The following C4orf50 variants were observed in gnomAD, a reference collection of about 807,000 sequenced individuals.
C4orf50 encodes uncharacterized protein C4orf50.
A neutral mutation model predicts 77.2 loss-of-function variants in C4orf50; 80 were observed. The ratio of observed to expected loss-of-function variants is 1.04; its 90% CI spans 0.87 to 1.25. C4orf50 has a LOEUF of 1.25. C4orf50 is among the 50% of genes most tolerant of loss of function. The pLI is 0.00. For missense variants in C4orf50, 1,257 were observed against 1,152.9 expected (o/e 1.09, Z -1.31); for synonymous variants, 532 against 465.3 (o/e 1.14, Z -1.84).
intron 30 of C4orf50, among the ~76,000 whole-genome samples, chr4:5,975,221 G>A (rs1382567578): frequency 6.9e-6 from 1 of 145,404 alleles, no homozygotes; most frequent in African/African-American, 2.5e-5. Context: ...ACAAAAGAGA[G>A]AGTGATAGAA....
intron 25 of C4orf50, among the ~76,000 whole-genome samples, chr4:6,001,423 C>T (rs545239585): frequency 6.6e-5 from 10 of 152,320 alleles, no homozygotes; most frequent in South Asian, 2.1e-4. Flanking sequence ...TGTTATCCAG[C>T]GTTTGTTCAG....
At chr4:5,914,882 A>C (rs940095405) in intron 7 of C4orf50, among the ~76,000 whole-genome samples, 1 of 152,244 alleles carries the variant, frequency 6.6e-6, no homozygotes, top group Non-Finnish European at 1.5e-5. Flanking sequence ...ATCAAAAATC[A>C]GATGAAGGTG....
Position 6,009,296 on chromosome 4 carries a change from A to G in C4orf50, c.427-764T>C, listed in dbSNP as rs1560602625. On this transcript the variant is annotated intron_variant, in intron 24 of 33. Coordinates refer to ENST00000531445, the Ensembl canonical transcript of C4orf50. This position sits in a 1 kb window ranked among gnomAD's most constrained non-coding sequence, Gnocchi z 5.6. ...ATTAGAGCCGTTGCCTACTTTTCAG[A>G]ATTAATTCAAGCAAAGGGATAGAAC... Among the ~76,000 whole-genome samples, 1 of 152,210 alleles carries G rather than the reference A, an allele frequency of 6.6e-6. No homozygotes were observed. Among genetic ancestry groups the G allele is most frequent in the Non-Finnish European group, 1.5e-5 (1 of 68,038 alleles).
intron 26 of C4orf50, among the ~76,000 whole-genome samples, chr4:5,994,016 G>T (rs541830121): frequency 6.6e-6 from 1 of 152,204 alleles, no homozygotes; most frequent in South Asian, 2.1e-4. Context: ...GCCATCATAC[G>T]GACTTCTGTG....
At chr4:5,934,702 C>T (rs1231337929) in intron 7 of C4orf50, among the ~76,000 whole-genome samples, 6 of 152,186 alleles carry the variant, frequency 3.9e-5, no homozygotes, top group Non-Finnish European at 5.9e-5. Context: ...TGTCCTGGCC[C>T]GTGAGCTCCT....
Position 5,901,502 on chromosome 4 carries a change from G to C in C4orf50, c.*2475-3314C>G, listed in dbSNP as rs561536831. 1 of 152,174 alleles carries C rather than the reference G, an allele frequency of 6.6e-6. No homozygotes were observed. The highest frequency in any genetic ancestry group is 2.1e-4 in the South Asian group (1 of 4,828). 9.4% of individuals were successfully genotyped at this position (152,174 alleles called of 1,614,324 possible). On this transcript the variant is annotated intron_variant, in intron 7 of 7. Coordinates refer to the C4orf50 transcript ENST00000324058. The surrounding 1 kb of genome is among the most constrained non-coding windows in gnomAD (Gnocchi z 4.4). ...ACCCTAACCTGTTTCTCCTACATCG[G>C]GTGGTCTCTGTCATCTCTCTAGAAG... is the stretch of plus-strand genomic sequence containing the variant.
chr4:5,958,622 C>T lies in C4orf50; in HGVS notation c.*753G>A, dbSNP rs1291494597. ...ATCTCTCCCATTGTCCTGTGAGGTC[C>T]CCGGCGCCAGGATCAACATTGACTT... On this transcript the variant is annotated 3_prime_UTR_variant, in exon 34 of 34. Transcript: ENST00000531445. This position sits in a 1 kb window ranked among gnomAD's most constrained non-coding sequence, Gnocchi z 5.4. 6.6e-6 allele frequency: 1 copy of T among 152,152 alleles called. No homozygotes were observed. The highest frequency in any genetic ancestry group is 1.5e-5 in the Non-Finnish European group (1 of 68,070). The allele number at this position is 152,152 out of a possible 1,614,324, so 9.4% of individuals were successfully genotyped here.
chr4:5,923,330 A>T (rs1717365184), intron 7 of C4orf50: 1 of 154,328 alleles, frequency 6.5e-6, no homozygotes, highest in Non-Finnish European at 1.5e-5. Flanking sequence ...AGAAACAGTG[A>T]TGGCAATGAG....
exon 30 of C4orf50, chr4:5,975,915 G>T: frequency 1.2e-6 from 2 of 1,613,504 alleles, no homozygotes; most frequent in Non-Finnish European, 8.5e-7. Context: ...GGGAGTCACT[G>T]CCAACTTTGC....
At chr4:5,972,580 G>A (rs1039305715) in intron 31 of C4orf50, among the ~76,000 whole-genome samples, 10 of 152,202 alleles carry the variant, frequency 6.6e-5, no homozygotes, top group African/African-American at 1.7e-4. Context: ...GACCAGAGGG[G>A]ACCTCTCAAG....
exon 28 of C4orf50, chr4:5,990,731 T>C (rs892116267): frequency 2.5e-6 from 1 of 398,986 alleles, no homozygotes; most frequent in African/African-American, 2.1e-5. Context: ...GCCAGGTCCA[T>C]GCGGAGGAGT....
At chr4:5,937,701 T>C (rs57055869) in intron 7 of C4orf50, among the ~76,000 whole-genome samples, 37,090 of 151,936 alleles carry the variant, frequency 0.24, 5,956 homozygotes, top group African/African-American at 0.46. Context: ...ACTAAAAATA[T>C]AAAGACAGAG....
chr4:5,933,033 C>T (rs1717835092), intron 7 of C4orf50, among the ~76,000 whole-genome samples: 1 of 152,116 alleles, frequency 6.6e-6, no homozygotes, highest in Admixed American at 6.5e-5. Flanking sequence ...AAGAGTTGCT[C>T]CCAGCACCAG....
chr4:5,991,480 G>A (rs551427205), intron 27 of C4orf50, among the ~76,000 whole-genome samples: 8 of 152,312 alleles, frequency 5.3e-5, no homozygotes, highest in East Asian at 3.9e-4. Context: ...CACACAGGAG[G>A]TGTTTCCTCC....
intron 29 of C4orf50, among the ~76,000 whole-genome samples, chr4:5,979,355 G>A (rs936116564): frequency 2.6e-5 from 4 of 152,136 alleles, no homozygotes; most frequent in South Asian, 2.1e-4. Flanking sequence ...TAATACACAC[G>A]ATTTTAAAGG....
Position 6,011,991 on chromosome 4 carries a change from G to A in C4orf50, c.288-23C>T, listed in dbSNP as rs1254953826. The A allele has an allele frequency of 5.0e-6, 2 of 398,906 alleles. No homozygotes were observed. The highest frequency in any genetic ancestry group is 8.8e-6 in the Non-Finnish European group (2 of 226,080). 24.7% of individuals were successfully genotyped at this position (398,906 alleles called of 1,614,324 possible). ...ATTCTGCAGCATGAAAAGCAGGGAG[G>A]CACTTGCTCAGGGTGCAGTCAACAT... On this transcript the variant is annotated intron_variant, in intron 23 of 33. Coordinates refer to ENST00000531445, the Ensembl canonical transcript of C4orf50. The surrounding 1 kb of genome is among the most constrained non-coding windows in gnomAD (Gnocchi z 4.2).
At chr4:5,962,276 C>G (rs1056755196) in intron 33 of C4orf50, among the ~76,000 whole-genome samples, 1 of 152,184 alleles carries the variant, frequency 6.6e-6, no homozygotes, top group Non-Finnish European at 1.5e-5. Flanking sequence ...ACTGAAGTCC[C>G]CTATGGACTT....
At chr4:5,990,103 A>G in exon 28 of C4orf50, 9 of 1,282,788 alleles carry the variant, frequency 7.0e-6, no homozygotes, top group Non-Finnish European at 7.9e-6. Flanking sequence ...GTATCCTTCC[A>G]CCCTTTCCCT....
At chr4:5,974,159 G>A (rs1361532845) in intron 30 of C4orf50, among the ~76,000 whole-genome samples, 2 of 152,162 alleles carry the variant, frequency 1.3e-5, no homozygotes, top group Non-Finnish European at 2.9e-5. Flanking sequence ...TCTGCACCTC[G>A]ACTTGCCCAT....
Sources: allele counts gnomAD v4.1 joint callset (sites outside exome capture counted in the v4.1 genomes callset), GRCh38; gene constraint gnomAD v4.1.1; non-coding constraint Gnocchi (gnomAD v3.1); transcripts MANE v1.5; gene names NCBI Gene and HGNC (gene_info 2026-07-23, HGNC 2026-07-21).